PDE12: variants seen among roughly 807,000 people sequenced by gnomAD.
PDE12 encodes the protein phosphodiesterase 12, also known as 2',5'-phosphodiesterase 12.
In PDE12, 26 loss-of-function variants were observed where a neutral mutation model predicts 45.4. The observed-to-expected ratio is 0.57, with a 90% CI of 0.42 to 0.79. PDE12 has a LOEUF of 0.79. Ranked by LOEUF, PDE12 falls within the 30% of genes least tolerant of loss-of-function variation. The pLI is 0.00. For missense variants in PDE12, 668 were observed against 790.0 expected (o/e 0.85, Z 1.85); for synonymous variants, 283 against 323.9 (o/e 0.87, Z 1.36).
chr3:57,561,928 A>C lies in PDE12; in HGVS notation c.*1924A>C, dbSNP rs1685840421. 1.0e-6 allele frequency: 1 copy of C among 984,676 alleles called. No homozygotes were observed. The highest frequency in any genetic ancestry group is 6.1e-5 in the Admixed American group (1 of 16,264). 61.0% of individuals were successfully genotyped at this position (984,676 alleles called of 1,614,324 possible). ...GTTTCTTCGGATCTTGTTTAGAAAA[A>C]ACTATAAATAAAAAATTGATGCTAC... On this transcript the variant is annotated 3_prime_UTR_variant, in exon 3 of 3. Transcript: ENST00000311180.
the PDE12 span, among the ~76,000 whole-genome samples, chr3:57,609,732 G>A: frequency 3.9e-5 from 6 of 152,136 alleles, no homozygotes; most frequent in Non-Finnish European, 8.8e-5. Context: ...TGAAATTGAG[G>A]CAATAATTAA....
At chr3:57,623,834 A>G in the PDE12 span, among the ~76,000 whole-genome samples, 3 of 152,192 alleles carry the variant, frequency 2.0e-5, no homozygotes, top group Non-Finnish European at 2.9e-5. Flanking sequence ...TGTAGGATCC[A>G]TGAAGTCCGG....
At chr3:57,645,840 G>T in the PDE12 span, 1 of 931,866 alleles carries the variant, frequency 1.1e-6, no homozygotes. Flanking sequence ...TATACAAACG[G>T]TATACACACA....
At chr3:57,655,530 T>C in the PDE12 span, among the ~76,000 whole-genome samples, 1 of 152,310 alleles carries the variant, frequency 6.6e-6, no homozygotes, top group South Asian at 2.1e-4. Flanking sequence ...AGCATTGACA[T>C]GATGCCACAA....
the PDE12 span, among the ~76,000 whole-genome samples, chr3:57,616,703 CA>C: frequency 7.9e-5 from 12 of 151,990 alleles, no homozygotes; most frequent in African/African-American, 2.9e-4. Flanking sequence ...AGCCTGATAC[CA>C]AAAGCAGACA....
chr3:57,633,661 G>A, the PDE12 span, among the ~76,000 whole-genome samples: 1 of 152,130 alleles, frequency 6.6e-6, no homozygotes, highest in African/African-American at 2.4e-5. Flanking sequence ...AGGTGAGGTG[G>A]GTGGATTACC....
downstream of PDE12, among the ~76,000 whole-genome samples, chr3:57,567,822 T>C (rs527313466): frequency 6.6e-6 from 1 of 152,090 alleles, no homozygotes; most frequent in Admixed American, 6.6e-5. Flanking sequence ...CTTGGCCGGA[T>C]GCGGTGGCTC....
At chr3:57,591,342 A>G in the PDE12 span, among the ~76,000 whole-genome samples, 1 of 152,190 alleles carries the variant, frequency 6.6e-6, no homozygotes, top group East Asian at 1.9e-4. Context: ...TTATCCATAC[A>G]ATGTAATTAC....
chr3:57,580,697 A>G, the PDE12 span, among the ~76,000 whole-genome samples: 1 of 151,996 alleles, frequency 6.6e-6, no homozygotes, highest in Non-Finnish European at 1.5e-5. Context: ...CCCGGTCCTG[A>G]AACCTACCCT....
chr3:57,648,784 C>T, the PDE12 span, among the ~76,000 whole-genome samples: 1 of 152,186 alleles, frequency 6.6e-6, no homozygotes, highest in Non-Finnish European at 1.5e-5. Context: ...CCCTATTTAA[C>T]AAATGGTGCT....
the PDE12 span, among the ~76,000 whole-genome samples, chr3:57,614,464 C>G: frequency 1.3e-5 from 2 of 150,046 alleles, no homozygotes; most frequent in African/African-American, 4.9e-5. Context: ...ACTCCTGGAT[C>G]AAGAAGTCAT....
At chr3:57,651,283 C>G in the PDE12 span, among the ~76,000 whole-genome samples, 2 of 152,182 alleles carry the variant, frequency 1.3e-5, no homozygotes, top group Non-Finnish European at 2.9e-5. Context: ...TTTCAACTTA[C>G]AATTTGCAAA....
chr3:57,631,711 G>GCT, the PDE12 span, among the ~76,000 whole-genome samples: 1 of 145,454 alleles, frequency 6.9e-6, no homozygotes, highest in African/African-American at 2.5e-5. Flanking sequence ...TTTGGTCTCT[G>GCT]CTCTCTTTTT....
chr3:57,602,242 G>A, the PDE12 span, among the ~76,000 whole-genome samples: 8 of 152,206 alleles, frequency 5.3e-5, no homozygotes, highest in African/African-American at 1.9e-4. Flanking sequence ...ATTCAATTCT[G>A]TTGTAGTCCC....
At chr3:57,583,252 T>C in the PDE12 span, among the ~76,000 whole-genome samples, 3 of 152,308 alleles carry the variant, frequency 2.0e-5, no homozygotes, top group South Asian at 6.2e-4. Flanking sequence ...TTGATATGCA[T>C]ATTAAAGTTT....
the PDE12 span, among the ~76,000 whole-genome samples, chr3:57,598,400 CT>C: frequency 6.6e-6 from 1 of 152,158 alleles, no homozygotes; most frequent in Admixed American, 6.5e-5. Context: ...TTTTTGAAGG[CT>C]TGCTGAGTAA....
downstream of PDE12, among the ~76,000 whole-genome samples, chr3:57,568,858 CA>C (rs10718820): frequency 0.76 from 90,185 of 119,168 alleles, 32,333 homozygotes; most frequent in South Asian, 0.83. Flanking sequence ...ATGTTATGGA[CA>C]AAAAAAAAAA....
chr3:57,651,245 T>C, the PDE12 span, among the ~76,000 whole-genome samples: 1 of 152,234 alleles, frequency 6.6e-6, no homozygotes, highest in African/African-American at 2.4e-5. Context: ...GATAAGCCCA[T>C]TGTAAACTGA....
At chr3:57,570,376 CTT>C (rs1241352591), downstream of PDE12, among the ~76,000 whole-genome samples, 22 of 128,904 alleles carry the variant, frequency 1.7e-4, no homozygotes, top group Admixed American at 2.4e-4. Flanking sequence ...ACACCAGACC[CTT>C]TTTTTTTTTT....
Sources: allele counts gnomAD v4.1 joint callset (sites outside exome capture counted in the v4.1 genomes callset), GRCh38; gene constraint gnomAD v4.1.1; transcripts MANE v1.5; gene names NCBI Gene and HGNC (gene_info 2026-07-23, HGNC 2026-07-21).